EIF3A: variants seen among roughly 807,000 people sequenced by gnomAD.
The protein encoded by EIF3A is eukaryotic translation initiation factor 3 subunit A.
Under a neutral mutation model 186.6 loss-of-function variants are expected in EIF3A, and 21 were observed. That is an observed-to-expected ratio of 0.11 (90% confidence interval 0.08 to 0.16). The LOEUF (loss-of-function observed/expected upper bound fraction) is 0.16, where lower values mean the gene tolerates loss of function less well. Ranked by LOEUF, EIF3A falls within the 10% of genes least tolerant of loss-of-function variation. The probability of loss-of-function intolerance (pLI) is 1.00; values close to 1 mark genes in which losing one functional copy is unlikely to be tolerated. For synonymous variants in EIF3A, 563 were observed against 584.3 expected, an observed-to-expected ratio of 0.96 and a Z score of 0.52; for missense variants, 1,306 against 1,796.3, an observed-to-expected ratio of 0.73 and a Z score of 4.93.
At chr10:119,044,653 C>T (rs569014002) in intron 17 of EIF3A, among the ~76,000 whole-genome samples, 1 of 152,288 alleles carries the variant, frequency 6.6e-6, no homozygotes, top group East Asian at 1.9e-4. Context: ...TCAAGACCAT[C>T]CTGGCTAACA....
At chr10:119,037,577 T>A (rs1337634035) in intron 20 of EIF3A, among the ~76,000 whole-genome samples, 5 of 152,188 alleles carry the variant, frequency 3.3e-5, no homozygotes, top group Admixed American at 2.0e-4. Context: ...AACCATATAT[T>A]CTAAGTGCTT....
At chr10:119,043,644 GTGCAGTGGCTCA>G (rs1315994871) in intron 18 of EIF3A, among the ~76,000 whole-genome samples, 1 of 151,600 alleles carries the variant, frequency 6.6e-6, no homozygotes, top group African/African-American at 2.4e-5. Context: ...CACAGGCCAA[GTGCAGTGGCTCA>G]TGCCTGTCAT....
At chr10:119,058,434 C>T (rs1843827150) in intron 11 of EIF3A, 131 bp from the exon 12 acceptor site, 1 of 676,586 alleles carries the variant, frequency 1.5e-6, no homozygotes, top group Admixed American at 2.9e-5. Flanking sequence ...GAAGATGACA[C>T]TATCCAAGCT....
intron 6 of EIF3A, among the ~76,000 whole-genome samples, chr10:119,067,889 C>T (rs1344063579): frequency 6.6e-6 from 1 of 152,114 alleles, no homozygotes; most frequent in African/African-American, 2.4e-5. Context: ...CAGCTCACCA[C>T]AAGCTACGCC....
chr10:119,040,716 CA>C (rs1460869530), intron 19 of EIF3A, among the ~76,000 whole-genome samples: 4 of 151,474 alleles, frequency 2.6e-5, no homozygotes, highest in Admixed American at 2.0e-4. Context: ...ATTAAAAATA[CA>C]AAAAAATGGC....
At chr10:119,066,875 G>A (rs935514677) in intron 6 of EIF3A, among the ~76,000 whole-genome samples, 12 of 152,206 alleles carry the variant, frequency 7.9e-5, no homozygotes, top group Admixed American at 1.3e-4. Flanking sequence ...AGTACTCTCT[G>A]AAGGCAAGCT....
At position 119,042,778 on chromosome 10, in the gene EIF3A, C is replaced by T. The variant is rs1180888208; in HGVS notation, c.2748-6G>A. ...CTTCTCCACGTCTCCACTCCCTACACAGCAACAAGAACAATTAAAAATATA... is the reference window on the plus strand; with the variant it reads ...CTTCTCCACGTCTCCACTCCCTACATAGCAACAAGAACAATTAAAAATATA... On this transcript the variant is annotated splice_region_variant and splice_polypyrimidine_tract_variant and intron_variant, in intron 18 of 21. Transcript: ENST00000369144. The surrounding 1 kb of genome is among the most constrained non-coding windows in gnomAD (Gnocchi z 7.8). 1.9e-6 allele frequency: 3 copies of T among 1,568,912 alleles called. No individual in the cohort carries two copies. Among genetic ancestry groups the T allele is most frequent in the South Asian group, 2.3e-5 (2 of 86,224 alleles).
chr10:119,065,276 C>T, intron 7 of EIF3A, 123 bp downstream of exon 7: 1 of 719,014 alleles, frequency 1.4e-6, no homozygotes, highest in Non-Finnish European at 2.3e-6. Flanking sequence ...ACCAGTGCTT[C>T]CCTGTCCATA....
intron 17 of EIF3A, among the ~76,000 whole-genome samples, chr10:119,046,824 G>A (rs938073182): frequency 4.6e-5 from 7 of 152,096 alleles, no homozygotes; most frequent in African/African-American, 1.7e-4. Flanking sequence ...GGGCATGGTG[G>A]CACATGCCTG....
chr10:119,045,972 A>C (rs530276817), intron 17 of EIF3A, among the ~76,000 whole-genome samples: 2 of 152,336 alleles, frequency 1.3e-5, no homozygotes, highest in African/African-American at 4.8e-5. Context: ...GAGTAAAAGA[A>C]ACATTAAAGA....
At chr10:119,044,023 G>A (rs765347246) in intron 18 of EIF3A, 31 bp downstream of exon 18, 4 of 1,461,488 alleles carry the variant, frequency 2.7e-6, no homozygotes, top group Admixed American at 1.7e-5. Flanking sequence ...ACAGGAACTG[G>A]AGCGGCATTA....
intron 9 of EIF3A, chr10:119,060,151 GA>G (rs769527752): frequency 6.0e-6 from 3 of 499,330 alleles, no homozygotes; most frequent in South Asian, 4.4e-5. Context: ...ATACTGAGAT[GA>G]AAATATAATA....
Position 119,035,984 on chromosome 10 carries a change from C to A in EIF3A, c.*55G>T. 7.5e-7 allele frequency: 1 copy of A among 1,340,436 alleles called. No individual in the cohort carries two copies. Among genetic ancestry groups the A allele is most frequent in the Non-Finnish European group, 1.1e-6 (1 of 933,288 alleles). 83.0% of individuals were successfully genotyped at this position (1,340,436 alleles called of 1,614,324 possible). A position where few individuals can be genotyped will look rare whatever the true frequency, so the allele number is the denominator to read the frequency against. ...TGGTTGAAGCACAAGTATAATAATC[C>A]TTGAATGTGATCAAACCTATTTAAG... On this transcript the variant is annotated 3_prime_UTR_variant, in exon 22 of 22. Transcript: ENST00000369144.
intron 13 of EIF3A, 31 bp downstream of exon 13, chr10:119,056,905 A>G: frequency 6.3e-7 from 1 of 1,589,168 alleles, no homozygotes; most frequent in African/African-American, 1.3e-5. Flanking sequence ...TTAACTTGGT[A>G]TGTTAAAGGT....
intron 14 of EIF3A, among the ~76,000 whole-genome samples, chr10:119,054,113 T>G (rs7089136): frequency 0.92 from 139,279 of 152,016 alleles, 64,943 homozygotes; most frequent in Non-Finnish European, 1. Context: ...TAGAGACGGG[T>G]TCTTGCCATG....
rs533241273 is a variant in EIF3A at position 119,068,987 on chromosome 10, A to G, written c.950+459T>C. ...TCTGTCTTGCAAAAAAAAAAAAAAAAAAAGAAAAGGAAAAAAAAGTATTTT... is the reference window on the plus strand; with the variant it reads ...TCTGTCTTGCAAAAAAAAAAAAAAAGAAAGAAAAGGAAAAAAAAGTATTTT... On this transcript the variant is annotated intron_variant, in intron 6 of 21. Transcript: ENST00000369144. Among the ~76,000 whole-genome samples, 68 of 152,080 alleles carry G rather than the reference A, an allele frequency of 4.5e-4. 1 individual carries two copies. Among genetic ancestry groups the G allele is most frequent in the African/African-American group, 1.6e-3 (65 of 41,508 alleles).
intron 17 of EIF3A, among the ~76,000 whole-genome samples, chr10:119,047,508 G>C (rs895369392): frequency 6.6e-6 from 1 of 152,182 alleles, no homozygotes; most frequent in Admixed American, 6.6e-5. Flanking sequence ...GGCTGAAAAT[G>C]TACAAAAGGG....
At chr10:119,039,003 A>G (rs1183927071) in intron 19 of EIF3A, among the ~76,000 whole-genome samples, 1 of 152,180 alleles carries the variant, frequency 6.6e-6, no homozygotes. Context: ...CAAAAGTATC[A>G]CTGAAAATTT....
intron 14 of EIF3A, 35 bp from the exon 15 acceptor site, chr10:119,051,356 T>C: frequency 2.8e-5 from 35 of 1,246,412 alleles, no homozygotes; most frequent in Non-Finnish European, 3.7e-5. Context: ...TTCAATGCAC[T>C]TTTTTTTTTA....
Sources: allele counts gnomAD v4.1 joint callset (sites outside exome capture counted in the v4.1 genomes callset), GRCh38; gene constraint gnomAD v4.1.1; non-coding constraint Gnocchi (gnomAD v3.1); transcripts MANE v1.5; gene names NCBI Gene and HGNC (gene_info 2026-07-23, HGNC 2026-07-21).